Variants in FREM2 observed in about 807,000 individuals in gnomAD.
The protein encoded by FREM2 is FRAS1 related extracellular matrix 2.
In FREM2, 119 loss-of-function variants were observed where a neutral mutation model predicts 219.9. The ratio of observed to expected loss-of-function variants is 0.54; its 90% CI spans 0.47 to 0.63. The LOEUF is 0.63. Ranked by LOEUF, FREM2 falls within the 30% of genes least tolerant of loss-of-function variation. The pLI, the probability that FREM2 is intolerant of heterozygous loss-of-function variation, is 0.00. For synonymous variants in FREM2, 1,562 were observed against 1,522.8 expected (o/e 1.03, Z -0.60); for missense variants, 4,030 against 3,993.6 (o/e 1.01, Z -0.25).
chr13:38,851,120 T>G lies in FREM2; in HGVS notation c.6742+12T>G, dbSNP rs754577884. ...AGATGATGCTGATAGTAAGAAATCTTTTTTTGTTTGTTCAACTGTAAATTA... is the reference window on the plus strand; with the variant it reads ...AGATGATGCTGATAGTAAGAAATCTGTTTTTGTTTGTTCAACTGTAAATTA... On this transcript the variant is annotated intron_variant, in intron 10 of 23. Transcript: ENST00000280481. 6.2e-7 allele frequency: 1 copy of G among 1,612,500 alleles called. No individual in the cohort carries two copies. The highest frequency in any genetic ancestry group is 1.1e-5 in the South Asian group (1 of 91,054).
rs185375223 is a variant in FREM2, at chr13:38,785,907, A to G, written c.6019+1099A>G. ...GTTAAAATTTCTTCTAGTTTCTGCC[A>G]TTTGTTTTTGGTTTATTTTGTTTTT... On this transcript the variant is annotated intron_variant, in intron 6 of 23. Coordinates refer to ENST00000280481, the MANE Select transcript of FREM2 (RefSeq NM_207361.6). Among the ~76,000 whole-genome samples, 239 of 152,188 alleles carry G rather than the reference A, an allele frequency of 1.6e-3. 1 individual carries two copies. The highest frequency in any genetic ancestry group is 6.8e-3 in the Middle Eastern group (2 of 294).
intron 23 of FREM2, among the ~76,000 whole-genome samples, chr13:38,879,262 G>A (rs1010480828): frequency 3.9e-5 from 6 of 152,336 alleles, no homozygotes; most frequent in African/African-American, 1.4e-4. Flanking sequence ...AAGACTATGT[G>A]TAATGAAGAG....
chr13:38,828,450 A>G (rs1876377786), intron 6 of FREM2, among the ~76,000 whole-genome samples: 1 of 152,162 alleles, frequency 6.6e-6, no homozygotes, highest in Non-Finnish European at 1.5e-5. Flanking sequence ...GTCTCACCCT[A>G]TAATCCCATT....
At chr13:38,836,457 A>G (rs1324206100) in intron 6 of FREM2, among the ~76,000 whole-genome samples, 1 of 152,176 alleles carries the variant, frequency 6.6e-6, no homozygotes, top group Non-Finnish European at 1.5e-5. Context: ...TGCTGGCCTC[A>G]TGAAATGAGT....
At position 38,789,792 on chromosome 13, in the gene FREM2, A is replaced by G. The variant is rs115365534; in HGVS notation, c.6019+4984A>G. On this transcript the variant is annotated intron_variant, in intron 6 of 23. Transcript: ENST00000280481. ...TTCTATCATGCTTTATTTTTTCTTCATATAGTTTCTTTTTTATATATTTAA... is the reference window on the plus strand; with the variant it reads ...TTCTATCATGCTTTATTTTTTCTTCGTATAGTTTCTTTTTTATATATTTAA... 6.3e-3 allele frequency among the ~76,000 whole-genome samples: 937 copies of G among 149,494 alleles called. 8 individuals carry two copies. Among genetic ancestry groups the G allele is most frequent in the African/African-American group, 0.02 (825 of 41,084 alleles).
chr13:38,845,121 A>G (rs1291327322), intron 6 of FREM2, among the ~76,000 whole-genome samples: 1 of 152,264 alleles, frequency 6.6e-6, no homozygotes, highest in African/African-American at 2.4e-5. Flanking sequence ...GTTTTCTACT[A>G]TTCAAGAATT....
chr13:38,785,159 T>G (rs1198690318), intron 6 of FREM2, among the ~76,000 whole-genome samples: 2 of 152,200 alleles, frequency 1.3e-5, no homozygotes, highest in East Asian at 3.9e-4. Context: ...TTTTAAAAGC[T>G]TATATTTTGT....
Position 38,755,921 on chromosome 13 carries a change from C to T in FREM2, c.5264-8383C>T, listed in dbSNP as rs150296521. 1.4e-3 allele frequency among the ~76,000 whole-genome samples: 210 copies of T among 152,264 alleles called. 1 individual carries two copies. The East Asian group carries it at 0.036, about 26-fold the overall frequency. ...ACCCTCAAATTAGCAGGTAACCATG[C>T]GGGAGCCAGTACACCCTTCACCCCC... On this transcript the variant is annotated intron_variant, in intron 2 of 23. Coordinates refer to ENST00000280481, the MANE Select transcript of FREM2 (RefSeq NM_207361.6).
intron 6 of FREM2, among the ~76,000 whole-genome samples, chr13:38,828,836 A>G (rs1251386651): frequency 2.0e-5 from 3 of 152,166 alleles, no homozygotes; most frequent in Non-Finnish European, 4.4e-5. Flanking sequence ...CAGTCTGGCT[A>G]TAACATATTT....
In FREM2 at chr13:38,779,912, G is replaced by A. The variant is rs150688469; in HGVS notation, c.5642-3158G>A. ...TGGCCTCCGGGGCCCACACTCCTCT[G>A]GTTGTCTTCATCCCTAGGACTTTTT... On this transcript the variant is annotated intron_variant, in intron 4 of 23. Transcript: ENST00000280481. Among the ~76,000 whole-genome samples, 9 of 152,244 alleles carry A rather than the reference G, an allele frequency of 5.9e-5. No individual in the cohort carries two copies. The East Asian group carries it at 1.7e-3, about 29-fold the overall frequency.
At position 38,851,104 on chromosome 13, in the gene FREM2, T is replaced by A; in HGVS notation, c.6738T>A (p.Ala2246=). 1.9e-6 allele frequency: 3 copies of A among 1,613,500 alleles called. No homozygotes were observed. Among genetic ancestry groups the A allele is most frequent in the Non-Finnish European group, 2.5e-6 (3 of 1,179,868 alleles). ...CTCTCATAAGGATCCGAGATGATGC[T>A]GATAGTAAGAAATCTTTTTTTGTTT... ...NETLIRIRDD[A]DKTVIKFGET... is the part of the protein sequence containing the mutation. Residue 2246 remains alanine, a synonymous_variant, in exon 10 of 24, where the codon GCT becomes GCA. Transcript: ENST00000280481.
intron 2 of FREM2, among the ~76,000 whole-genome samples, chr13:38,705,196 T>A (rs190110038): frequency 7.0e-4 from 107 of 152,210 alleles, no homozygotes; most frequent in Non-Finnish European, 1.3e-3. Context: ...ACAGATGTCA[T>A]ATGGGAAGAA....
At chr13:38,874,737 T>C (rs1878284800) in intron 18 of FREM2, 151 bp downstream of exon 18, 2 of 717,058 alleles carry the variant, frequency 2.8e-6, no homozygotes, top group Admixed American at 4.1e-5. Context: ...GAGAGCTTGA[T>C]AATTGTTCAG....
intron 20 of FREM2, 91 bp from the exon 21 acceptor site, chr13:38,877,026 A>T: frequency 1.5e-6 from 2 of 1,377,416 alleles, no homozygotes; most frequent in Non-Finnish European, 2.1e-6. Flanking sequence ...AGTGTTCTAC[A>T]GTGTACGGTG....
At position 38,690,839 on chromosome 13, in the gene FREM2, T is replaced by G. The variant is rs367881124; in HGVS notation, c.3495T>G (p.Phe1165Leu). ...GVEPVEDRFVFRCSDGINFSE... is the reference protein window; with the variant it reads ...GVEPVEDRFVLRCSDGINFSE... Reference sequence around the variant, plus strand: ...AACCTGTGGAGGACCGATTTGTATTTCGTTGTTCTGATGGCATTAACTTTT... The same window carrying G: ...AACCTGTGGAGGACCGATTTGTATTGCGTTGTTCTGATGGCATTAACTTTT... Residue 1165 changes from phenylalanine (F) to leucine (L), a missense_variant, in exon 1 of 24, where the codon TTT becomes TTG. By Grantham distance (22) the Phe-to-Leu change is conservative. This residue lies in a region of FREM2 where 3,102 missense variants were observed against 2,950.7 expected (regional missense o/e 1.05). Transcript: ENST00000280481. 23 of 1,614,082 alleles carry G rather than the reference T, an allele frequency of 1.4e-5. No homozygotes were observed. The highest frequency in any genetic ancestry group is 1.9e-5 in the Non-Finnish European group (23 of 1,180,050).
Position 38,851,869 on chromosome 13 carries a change from G to T in FREM2, c.6925+1G>T. ...GAAGACTACCACCCTGTGTCAGAAG[G>T]TATGGGGCTCCCAGGGCCTGTCTCC... On this transcript the variant is annotated splice_donor_variant, in intron 11 of 23. Transcript: ENST00000280481. LOFTEE classifies it high-confidence loss of function. 1 of 1,613,362 alleles carries T rather than the reference G, an allele frequency of 6.2e-7. No homozygotes were observed.
intron 6 of FREM2, among the ~76,000 whole-genome samples, chr13:38,843,962 G>C (rs551077057): frequency 2.6e-5 from 4 of 151,702 alleles, no homozygotes; most frequent in African/African-American, 7.3e-5. Context: ...TTTAACTTCA[G>C]TAATTGTAAT....
intron 7 of FREM2, among the ~76,000 whole-genome samples, chr13:38,847,534 G>T (rs1324485495): frequency 6.6e-6 from 1 of 151,956 alleles, no homozygotes; most frequent in Non-Finnish European, 1.5e-5. Context: ...TTAAGAGAAA[G>T]ATTCAAATCA....
intron 9 of FREM2, 95 bp downstream of exon 9, chr13:38,850,330 A>G: frequency 1.0e-6 from 1 of 982,908 alleles, no homozygotes; most frequent in East Asian, 2.5e-5. Flanking sequence ...CTCGATATCA[A>G]CAAGCATATG....
Sources: gnomAD v4.1 joint callset for allele counts (sites outside exome capture counted in the v4.1 genomes callset) on GRCh38, gnomAD v4.1.1 for gene constraint, gnomAD v4.1.1 regional missense constraint, MANE v1.5 for transcripts, NCBI Gene and HGNC (gene_info 2026-07-23, HGNC 2026-07-21) for gene names.